The following KAT2B variants were observed in gnomAD, a reference collection of about 807,000 sequenced individuals.
KAT2B encodes the protein lysine acetyltransferase 2B.
In KAT2B, 36 loss-of-function variants were observed where a neutral mutation model predicts 105.9. The observed-to-expected ratio is 0.34, with a 90% CI of 0.26 to 0.45. The LOEUF (loss-of-function observed/expected upper bound fraction) is 0.45. Among genes scored for constraint, KAT2B ranks in the 20% least tolerant of loss-of-function variants. The pLI is 1.00. For synonymous variants in KAT2B, 397 were observed against 377.9 expected (o/e 1.05, Z -0.59); for missense variants, 820 against 1,021.6 (o/e 0.80, Z 2.69).
intron 1 of KAT2B, among the ~76,000 whole-genome samples, chr3:20,063,123 A>G (rs1329360285): frequency 1.3e-5 from 2 of 152,102 alleles, no homozygotes; most frequent in African/African-American, 4.8e-5. Context: ...GCTGGAGTAC[A>G]GTGGCACAGT....
chr3:20,127,587 T>A, intron 11 of KAT2B, 38 bp downstream of exon 11: 6 of 1,601,010 alleles, frequency 3.7e-6, no homozygotes, highest in Non-Finnish European at 5.1e-6. Context: ...AAGAGCAGAA[T>A]GTGGGGCTTC....
intron 1 of KAT2B, among the ~76,000 whole-genome samples, chr3:20,055,136 A>G (rs1697984213): frequency 6.6e-6 from 1 of 152,092 alleles, no homozygotes. Context: ...ACGTGAGAGT[A>G]GTTTAGAACA....
intron 2 of KAT2B, among the ~76,000 whole-genome samples, chr3:20,088,857 T>C (rs558403047): frequency 1.3e-5 from 2 of 152,340 alleles, no homozygotes; most frequent in African/African-American, 4.8e-5. Context: ...TTCCTTCTAG[T>C]AGTTTTACAG....
At chr3:20,151,021 T>C (rs925572328) in intron 17 of KAT2B, among the ~76,000 whole-genome samples, 2 of 152,236 alleles carry the variant, frequency 1.3e-5, no homozygotes, top group East Asian at 3.8e-4. Flanking sequence ...TCATTGTTTT[T>C]TTCTTCTTTA....
At chr3:20,054,223 G>A (rs1245476225) in intron 1 of KAT2B, among the ~76,000 whole-genome samples, 1 of 109,282 alleles carries the variant, frequency 9.2e-6, no homozygotes, top group African/African-American at 2.8e-5. Context: ...TCCGCCTCCT[G>A]GGTTCAAGCA....
At chr3:20,068,318 G>T (rs776517684) in intron 1 of KAT2B, among the ~76,000 whole-genome samples, 2 of 151,184 alleles carry the variant, frequency 1.3e-5, no homozygotes, top group Admixed American at 6.6e-5. Context: ...ATTTCAACAC[G>T]TCTTTACCCA....
chr3:20,086,970 T>A (rs931267212), intron 2 of KAT2B, among the ~76,000 whole-genome samples: 2 of 152,006 alleles, frequency 1.3e-5, no homozygotes, highest in Non-Finnish European at 2.9e-5. Context: ...TGAGTAGAGA[T>A]GGGGTTTCAC....
In KAT2B at chr3:20,103,126, C is replaced by T. The variant is rs145732005; in HGVS notation, c.851+1658C>T. Among the ~76,000 whole-genome samples, 995 of 151,896 alleles carry T rather than the reference C, an allele frequency of 6.6e-3. 10 individuals carry two copies. Among genetic ancestry groups the T allele is most frequent in the African/African-American group, 0.022 (915 of 41,416 alleles). ...AGTTTTTAAATTATATCTTCATTTCCGTATCTTTCATTTTAGGATTTTACA... is the reference window on the plus strand; with the variant it reads ...AGTTTTTAAATTATATCTTCATTTCTGTATCTTTCATTTTAGGATTTTACA... On this transcript the variant is annotated intron_variant, in intron 5 of 17. Transcript: ENST00000263754.
In KAT2B at chr3:20,152,660, CAAAA is replaced by C. The variant is rs959463612; in HGVS notation, c.*138_*141del. Reference sequence around the variant, plus strand: ...GTAATAATTAGCACTTTTGAAAAAACAAAAAACCTCCTTTTAGCTTTTCAGATAT... The same window carrying C: ...GTAATAATTAGCACTTTTGAAAAAACAACCTCCTTTTAGCTTTTCAGATAT... On this transcript the variant is annotated 3_prime_UTR_variant, in exon 18 of 18. Transcript: ENST00000263754. 6 of 589,416 alleles carry C rather than the reference CAAAA, an allele frequency of 1.0e-5. No individual in the cohort carries two copies. Among genetic ancestry groups the C allele is most frequent in the Admixed American group, 6.2e-5 (2 of 32,386 alleles). 36.5% of individuals were successfully genotyped at this position (589,416 alleles called of 1,614,324 possible).
intron 2 of KAT2B, among the ~76,000 whole-genome samples, chr3:20,087,403 T>C (rs1269390612): frequency 2.0e-5 from 3 of 151,900 alleles, no homozygotes; most frequent in Non-Finnish European, 4.4e-5. Flanking sequence ...TAAAAATGTA[T>C]ATATTTATCG....
At chr3:20,119,912 C>T (rs1027540130) in intron 8 of KAT2B, among the ~76,000 whole-genome samples, 189 bp downstream of exon 8, 2 of 152,196 alleles carry the variant, frequency 1.3e-5, no homozygotes, top group East Asian at 1.9e-4. Context: ...ACTGTAATAA[C>T]TTATTGTCAT....
intron 13 of KAT2B, among the ~76,000 whole-genome samples, chr3:20,142,342 A>T (rs1320681440): frequency 1.3e-5 from 2 of 152,172 alleles, no homozygotes; most frequent in African/African-American, 4.8e-5. Context: ...CCTAGTTTTT[A>T]AAAAAGCTAT....
At chr3:20,138,023 A>G (rs1223858922) in intron 12 of KAT2B, among the ~76,000 whole-genome samples, 2 of 152,212 alleles carry the variant, frequency 1.3e-5, no homozygotes, top group African/African-American at 4.8e-5. Context: ...TTTGAGGACT[A>G]TTCTTTGACT....
At chr3:20,050,379 A>G (rs981929120) in intron 1 of KAT2B, among the ~76,000 whole-genome samples, 23 of 152,258 alleles carry the variant, frequency 1.5e-4, no homozygotes, top group South Asian at 4.1e-4. Flanking sequence ...CATCTATGCA[A>G]CTGCCACCTA....
intron 1 of KAT2B, among the ~76,000 whole-genome samples, chr3:20,050,199 CA>C (rs11298850): frequency 0.33 from 34,459 of 103,888 alleles, 3,670 homozygotes; most frequent in Middle Eastern, 0.41. Flanking sequence ...GACCCTGTCT[CA>C]AAAAAAAAAA....
Position 20,040,623 on chromosome 3 carries a change from C to T in KAT2B, c.146C>T (p.Ser49Leu), listed in dbSNP as rs754443326. 7.5e-7 allele frequency: 1 copy of T among 1,339,964 alleles called. No homozygotes were observed. The highest frequency in any genetic ancestry group is 9.5e-7 in the Non-Finnish European group (1 of 1,047,928). The allele number at this position is 1,339,964 out of a possible 1,614,324, so 83.0% of individuals were successfully genotyped here. A position where few individuals can be genotyped will look rare whatever the true frequency, so the allele number is the denominator to read the frequency against. Residue 49 changes from serine (S) to leucine (L), a missense_variant, in exon 1 of 18, where the codon TCG (serine) becomes TTG (leucine). Coordinates refer to ENST00000263754, the MANE Select transcript of KAT2B (RefSeq NM_003884.5). ...GSPCAAAAGG[S>L]GACGPATAVA... The stretch of plus-strand genomic sequence containing the variant: ...CCCTGCGCCGCTGCCGCCGGGGGCT[C>T]GGGCGCCTGCGGTCCGGCGACGGCA...
At chr3:20,141,438 G>T (rs1162203046) in intron 13 of KAT2B, among the ~76,000 whole-genome samples, 1 of 152,130 alleles carries the variant, frequency 6.6e-6, no homozygotes, top group African/African-American at 2.4e-5. Context: ...TTGAAAGAAA[G>T]AACTTTGTGT....
chr3:20,120,867 T>C (rs1699295937), intron 8 of KAT2B, among the ~76,000 whole-genome samples: 1 of 151,984 alleles, frequency 6.6e-6, no homozygotes, highest in Non-Finnish European at 1.5e-5. Context: ...CCTTATAATA[T>C]AAGAAGTGCC....
At chr3:20,130,667 A>G (rs764916630) in intron 11 of KAT2B, among the ~76,000 whole-genome samples, 13 of 152,202 alleles carry the variant, frequency 8.5e-5, no homozygotes, top group Non-Finnish European at 1.3e-4. Flanking sequence ...ATTACTTCCC[A>G]GAAAGGCAAT....
Sources: gnomAD v4.1 joint callset for allele counts (sites outside exome capture counted in the v4.1 genomes callset) on GRCh38, gnomAD v4.1.1 for gene constraint, MANE v1.5 for transcripts, NCBI Gene and HGNC (gene_info 2026-07-23, HGNC 2026-07-21) for gene names.